The following C13orf42 variants were observed in gnomAD, a reference collection of about 807,000 sequenced individuals.
C13orf42 encodes the protein uncharacterized protein C13orf42.
At chr13:51,136,591 C>T (rs1666415189) in intron 1 of C13orf42, among the ~76,000 whole-genome samples, 1 of 152,188 alleles carries the variant, frequency 6.6e-6, no homozygotes, top group African/African-American at 2.4e-5. Flanking sequence ...TCCCAGAGCT[C>T]ACCGGGGTGT....
At chr13:51,169,840 A>G (rs534684985) in intron 1 of C13orf42, among the ~76,000 whole-genome samples, 4 of 152,236 alleles carry the variant, frequency 2.6e-5, no homozygotes, top group Non-Finnish European at 5.9e-5. Flanking sequence ...TTGAATGTCC[A>G]GGAAGATTGC....
intron 1 of C13orf42, among the ~76,000 whole-genome samples, chr13:51,138,585 C>T (rs552681582): frequency 9.1e-4 from 139 of 152,122 alleles, no homozygotes; most frequent in Non-Finnish European, 1.5e-3. Flanking sequence ...AAAACAAAGA[C>T]GATCGGTGTT....
intron 1 of C13orf42, among the ~76,000 whole-genome samples, chr13:51,136,935 GT>G (rs1196788754): frequency 2.6e-5 from 4 of 152,194 alleles, no homozygotes; most frequent in African/African-American, 9.6e-5. Flanking sequence ...AGTTTCTGCT[GT>G]CCCTGCTTCT....
chr13:51,100,054 C>G (rs994742970), intron 1 of C13orf42, among the ~76,000 whole-genome samples: 1 of 151,986 alleles, frequency 6.6e-6, no homozygotes, highest in African/African-American at 2.4e-5. Context: ...TATATACATG[C>G]CAGTTGTCAA....
intron 1 of C13orf42, among the ~76,000 whole-genome samples, chr13:51,162,545 T>C (rs1485348641): frequency 6.6e-6 from 1 of 152,262 alleles, no homozygotes; most frequent in East Asian, 1.9e-4. Context: ...TATTTTATTT[T>C]TTCCCTTGGT....
At chr13:51,140,100 A>T (rs1449710334) in intron 1 of C13orf42, among the ~76,000 whole-genome samples, 1 of 152,204 alleles carries the variant, frequency 6.6e-6, no homozygotes, top group Non-Finnish European at 1.5e-5. Flanking sequence ...TCCTCTGCTC[A>T]CTGAGATAGG....
intron 1 of C13orf42, among the ~76,000 whole-genome samples, chr13:51,091,219 G>A (rs527252740): frequency 6.6e-5 from 10 of 152,252 alleles, no homozygotes; most frequent in African/African-American, 1.7e-4. Context: ...TATAAAACTC[G>A]TTATAAAAGA....
chr13:51,087,890 T>G, intron 2 of C13orf42, 38 bp downstream of exon 2: 1 of 398,864 alleles, frequency 2.5e-6, no homozygotes, highest in Non-Finnish European at 4.4e-6. Context: ...CCCACCCGCC[T>G]TCAGCCACCA....
intron 1 of C13orf42, among the ~76,000 whole-genome samples, chr13:51,152,421 C>CACTG (rs1288014368): frequency 6.6e-6 from 1 of 152,202 alleles, no homozygotes; most frequent in Admixed American, 6.5e-5. Flanking sequence ...GAACCTGGCT[C>CACTG]ACTGCAGCCC....
chr13:51,157,412 C>A (rs965587258), intron 1 of C13orf42, among the ~76,000 whole-genome samples: 1 of 151,878 alleles, frequency 6.6e-6, no homozygotes, highest in Non-Finnish European at 1.5e-5. Flanking sequence ...CCAGCCTGGG[C>A]GACAGAGCGA....
chr13:51,170,306 C>A (rs1179920911), intron 1 of C13orf42, among the ~76,000 whole-genome samples: 1 of 152,166 alleles, frequency 6.6e-6, no homozygotes, highest in Non-Finnish European at 1.5e-5. Context: ...TTCACACGGA[C>A]GCGCATGAAG....
chr13:51,104,382 C>T (rs557903763), intron 1 of C13orf42, among the ~76,000 whole-genome samples: 1 of 152,236 alleles, frequency 6.6e-6, no homozygotes, highest in Non-Finnish European at 1.5e-5. Context: ...GATACAAAGT[C>T]ATTCAAAGAA....
At chr13:51,106,325 G>A (rs371628278) in intron 1 of C13orf42, among the ~76,000 whole-genome samples, 6 of 152,162 alleles carry the variant, frequency 3.9e-5, no homozygotes, top group Admixed American at 2.0e-4. Flanking sequence ...GCAGTATGAC[G>A]CAGCTGCCTC....
At chr13:51,136,548 A>G (rs1009365538) in intron 1 of C13orf42, among the ~76,000 whole-genome samples, 1 of 152,234 alleles carries the variant, frequency 6.6e-6, no homozygotes, top group Non-Finnish European at 1.5e-5. Context: ...GGGAGGGGCT[A>G]TATACTTCAG....
intron 1 of C13orf42, among the ~76,000 whole-genome samples, chr13:51,121,384 A>G (rs1953534301): frequency 6.6e-6 from 1 of 152,216 alleles, no homozygotes; most frequent in Admixed American, 6.5e-5. Flanking sequence ...GGAAAGTTTC[A>G]GGGAAAGTTA....
At chr13:51,120,608 C>T (rs886249513) in intron 1 of C13orf42, among the ~76,000 whole-genome samples, 1 of 152,212 alleles carries the variant, frequency 6.6e-6, no homozygotes, top group Non-Finnish European at 1.5e-5. Flanking sequence ...TTGTCTCTAA[C>T]TTCAGAGGTC....
In C13orf42 at chr13:51,082,580, G is replaced by A. The variant is rs924400704; in HGVS notation, c.*1571C>T. On this transcript the variant is annotated 3_prime_UTR_variant, in exon 4 of 4. Coordinates refer to ENST00000563710, the MANE Select transcript of C13orf42 (RefSeq NM_001351589.3). ...CCAACAATGAACTTTTATAGATGAG[G>A]CTTCAAACAAGGCCACATTTAGGGA... 6.6e-6 allele frequency: 1 copy of A among 152,130 alleles called. No individual in the cohort carries two copies. The highest frequency in any genetic ancestry group is 1.5e-5 in the Non-Finnish European group (1 of 68,034). 9.4% of individuals were successfully genotyped at this position (152,130 alleles called of 1,614,324 possible).
intron 1 of C13orf42, among the ~76,000 whole-genome samples, chr13:51,104,324 C>T (rs537625750): frequency 4.6e-5 from 7 of 152,208 alleles, no homozygotes; most frequent in African/African-American, 1.7e-4. Flanking sequence ...TGGCTATTAA[C>T]ATTTTGAAGG....
At chr13:51,125,979 T>C (rs534487534) in intron 1 of C13orf42, among the ~76,000 whole-genome samples, 2 of 152,324 alleles carry the variant, frequency 1.3e-5, no homozygotes, top group East Asian at 1.9e-4. Flanking sequence ...TCCGTGTGAA[T>C]AGCAAAGCAA....
Sources: gnomAD v4.1 joint callset for allele counts (sites outside exome capture counted in the v4.1 genomes callset) on GRCh38, gnomAD v4.1.1 for gene constraint, MANE v1.5 for transcripts, NCBI Gene and HGNC (gene_info 2026-07-23, HGNC 2026-07-21) for gene names.